SERPINA9: variants seen among roughly 807,000 people sequenced by gnomAD.
SERPINA9 encodes serpin A9.
SERPINA9 carries 32 observed loss-of-function variants against 24.5 expected under a neutral mutation model. That is an observed-to-expected ratio of 1.30 (90% CI 0.98 to 1.75). The LOEUF is 1.75. SERPINA9 is among the 40% of genes most tolerant of loss of function. The pLI, the probability that SERPINA9 is intolerant of heterozygous loss-of-function variation, is 0.00. For missense variants in SERPINA9, 594 were observed against 497.1 expected, an observed-to-expected ratio of 1.19 and a Z score of -1.85; for synonymous variants, 233 against 197.7, an observed-to-expected ratio of 1.18 and a Z score of -1.50.
intron 3 of SERPINA9, 74 bp downstream of exon 3, chr14:94,467,035 G>C (rs1012379857): frequency 6.6e-7 from 1 of 1,513,232 alleles, no homozygotes; most frequent in Admixed American, 1.8e-5. Flanking sequence ...ACAGCTGTTA[G>C]CACAATCTCT....
chr14:94,476,059 C>G, intron 1 of SERPINA9, 77 bp downstream of exon 1: 1 of 1,606,350 alleles, frequency 6.2e-7, no homozygotes, highest in East Asian at 2.2e-5. Flanking sequence ...ACACTGAAGA[C>G]CATGCTCTGA....
At chr14:94,471,393 T>C (rs955567917) in intron 1 of SERPINA9, among the ~76,000 whole-genome samples, 1 of 152,208 alleles carries the variant, frequency 6.6e-6, no homozygotes, top group Non-Finnish European at 1.5e-5. Flanking sequence ...CACTTGTCTA[T>C]GTCAGACCAA....
intron 2 of SERPINA9, among the ~76,000 whole-genome samples, chr14:94,467,860 A>G (rs750204976): frequency 2.6e-5 from 4 of 151,630 alleles, no homozygotes; most frequent in South Asian, 2.1e-4. Context: ...TGAATAGATT[A>G]GTGGATAGGT....
intron 1 of SERPINA9, among the ~76,000 whole-genome samples, chr14:94,475,221 G>A (rs1595674322): frequency 6.6e-6 from 1 of 152,228 alleles, no homozygotes; most frequent in East Asian, 1.9e-4. Flanking sequence ...TGGAAGAGGG[G>A]TTCTGCAAGG....
chr14:94,464,328 C>A, intron 4 of SERPINA9: 1 of 247,002 alleles, frequency 4.0e-6, no homozygotes, highest in East Asian at 6.9e-5. Flanking sequence ...TCCTTACACA[C>A]TGAAGGCCAG....
In SERPINA9 at chr14:94,476,155, C is replaced by T. The variant is rs774092593; in HGVS notation, c.-37G>A. 4.3e-6 allele frequency: 7 copies of T among 1,614,190 alleles called. No homozygotes were observed. The highest frequency in any genetic ancestry group is 1.6e-4 in the Middle Eastern group (1 of 6,062). On this transcript the variant is annotated 5_prime_UTR_variant, in exon 1 of 5. Coordinates refer to ENST00000674397, the MANE Select transcript of SERPINA9 (RefSeq NM_175739.4). Reference sequence around the variant, plus strand: ...ACCCACCTTTGCAGGTTCCTCTTCTCCTGCCCTGTCCTTGCATGGTTGGTG... The same window carrying T: ...ACCCACCTTTGCAGGTTCCTCTTCTTCTGCCCTGTCCTTGCATGGTTGGTG...
intron 1 of SERPINA9, among the ~76,000 whole-genome samples, chr14:94,473,392 A>C (rs1241452772): frequency 6.6e-6 from 1 of 151,856 alleles, no homozygotes; most frequent in Non-Finnish European, 1.5e-5. Flanking sequence ...GGTGGCGGGC[A>C]CCTCTAGTCC....
intron 4 of SERPINA9, 69 bp from the exon 5 acceptor site, chr14:94,463,365 T>A: frequency 7.1e-7 from 1 of 1,404,270 alleles, no homozygotes; most frequent in Non-Finnish European, 1.0e-6. Context: ...TAAACTAAAC[T>A]GAGTGCTTTT....
intron 3 of SERPINA9, 123 bp downstream of exon 3, chr14:94,466,986 G>T: frequency 1.8e-6 from 2 of 1,083,870 alleles, no homozygotes; most frequent in Non-Finnish European, 2.7e-6. Context: ...TCTCTGTCCT[G>T]CATGCAGTTG....
In SERPINA9 at chr14:94,467,360, G is replaced by A. The variant is rs1400529842; in HGVS notation, c.651C>T (p.His217=). ...GGAAGTTCTTTCTTGTATATTCAGG[G>A]TGAAAGGGCTTCTCCCACTTGGCTA... ...FFKAKWEKPF[H]PEYTRKNFPF... is the part of the protein sequence containing the mutation. The change falls in exon 3 of 5, where the codon CAC becomes CAT. Residue 217 remains histidine, a synonymous_variant. Coordinates refer to ENST00000674397, the MANE Select transcript of SERPINA9 (RefSeq NM_175739.4). 1 of 1,609,932 alleles carries A rather than the reference G, an allele frequency of 6.2e-7. No homozygotes were observed. The highest frequency in any genetic ancestry group is 8.5e-7 in the Non-Finnish European group (1 of 1,176,720).
intron 1 of SERPINA9, among the ~76,000 whole-genome samples, chr14:94,473,661 G>A (rs984797122): frequency 3.3e-5 from 5 of 152,114 alleles, no homozygotes; most frequent in African/African-American, 1.2e-4. Flanking sequence ...TCAGGACGCC[G>A]TGTAAGAGTG....
Position 94,464,756 on chromosome 14 carries a change from T to C in SERPINA9, c.1001A>G (p.Asn334Ser), listed in dbSNP as rs764570314. 1 of 1,613,882 alleles carries C rather than the reference T, an allele frequency of 6.2e-7. No individual in the cohort carries two copies. The highest frequency in any genetic ancestry group is 8.5e-7 in the Non-Finnish European group (1 of 1,179,782). The part of the protein sequence containing the change: ...KMGIQNVFDK[N>S]ADFSGIAKRD... ...CTTTGCAATTCCAGAAAAATCAGCA[T>C]TTTTGTCAAAGACATTTTGGATGCC... The change falls in exon 4 of 5, where the codon AAT (asparagine) becomes AGT (serine). Residue 334 changes from asparagine (N) to serine (S), a missense_variant. Coordinates refer to ENST00000674397, the MANE Select transcript of SERPINA9 (RefSeq NM_175739.4).
intron 1 of SERPINA9, among the ~76,000 whole-genome samples, chr14:94,475,503 G>C (rs940665276): frequency 6.6e-6 from 1 of 152,048 alleles, no homozygotes; most frequent in African/African-American, 2.4e-5. Flanking sequence ...ATAAAAGAGA[G>C]ATCCTATGAA....
chr14:94,464,822 A>G lies in SERPINA9; in HGVS notation c.935T>C (p.Ile312Thr). ...GGTTTCCAGATTGTAGGAGGCAGAAATGGAAAATCTGGGGATGAACACCTC... is the reference window on the plus strand; with the variant it reads ...GGTTTCCAGATTGTAGGAGGCAGAAGTGGAAAATCTGGGGATGAACACCTC... ...WIEVFIPRFS[I>T]SASYNLETIL... The change falls in exon 4 of 5, where the codon ATT becomes ACT. Residue 312 changes from isoleucine to threonine, a missense_variant. By Grantham distance (89) the Ile-to-Thr change is moderately conservative. Transcript: ENST00000674397. The G allele has an allele frequency of 1.2e-6, 2 of 1,613,862 alleles. No homozygotes were observed. The highest frequency in any genetic ancestry group is 1.7e-6 in the Non-Finnish European group (2 of 1,179,788).
chr14:94,464,340 C>T (rs1405169145), intron 4 of SERPINA9: 1 of 267,490 alleles, frequency 3.7e-6, no homozygotes, highest in Admixed American at 5.3e-5. Context: ...GAAGGCCAGA[C>T]AACACATCTA....
Position 94,469,404 on chromosome 14 carries a change from G to T in SERPINA9, c.437C>A (p.Ala146Glu). The T allele has an allele frequency of 2.5e-6, 4 of 1,613,964 alleles. No individual in the cohort carries two copies. The highest frequency in any genetic ancestry group is 3.4e-6 in the Non-Finnish European group (4 of 1,180,018). Residue 146 changes from alanine to glutamate, a missense_variant, in exon 2 of 5, where the codon GCA becomes GAA. By Grantham distance (107) the Ala-to-Glu change is moderately radical. Coordinates refer to ENST00000674397, the MANE Select transcript of SERPINA9 (RefSeq NM_175739.4). Reference sequence around the variant, plus strand: ...CCTCTTGACATTGCCCAAGAAATTTGCCTGCAGCTGCAGCTCCTTCTTGAC... The same window carrying T: ...CCTCTTGACATTGCCCAAGAAATTTTCCTGCAGCTGCAGCTCCTTCTTGAC... The part of the protein sequence containing the change: ...LFVKKELQLQ[A>E]NFLGNVKRLY...
rs760418567 is a variant in SERPINA9, at chr14:94,469,590, A to AG, written c.250dup (p.Leu84ProfsTer74). ...GGTCTTGGTGACTGAGTGGGCCCCA[A>AG]GGGAGAGCATGGCCAGGGAAGTGGA... On this transcript the variant is annotated frameshift_variant, in exon 2 of 5. Transcript: ENST00000674397. LOFTEE classifies it high-confidence loss of function. 8.1e-6 allele frequency: 13 copies of AG among 1,614,146 alleles called. No homozygotes were observed. The South Asian group carries it at 1.2e-4, about 15-fold the overall frequency.
Position 94,463,110 on chromosome 14 carries a change from T to A in SERPINA9, c.1237A>T (p.Asn413Tyr). Residue 413 changes from asparagine (N) to tyrosine (Y), a missense_variant, in exon 5 of 5, where the codon AAT becomes TAT. Asn to Tyr is a moderately radical substitution (Grantham distance 143, BLOSUM62 -2). Coordinates refer to ENST00000674397, the MANE Select transcript of SERPINA9 (RefSeq NM_175739.4). ...DGILFLGKVE[N>Y]PTKS ...TTTCCCACCTAGGATTTAGTGGGAT[T>A]TTCCACTTTCCCTAGAAAGAGAATA... The A allele has an allele frequency of 6.2e-7, 1 of 1,614,130 alleles. No homozygotes were observed.
rs183027056 is a variant in SERPINA9, at chr14:94,463,134, T to C, written c.1213A>G (p.Ile405Val). Residue 405 changes from isoleucine (I) to valine (V), a missense_variant, in exon 5 of 5, where the codon ATT becomes GTT. By Grantham distance (29) the Ile-to-Val change is conservative. Transcript: ENST00000674397. ...TTTTCCACTTTCCCTAGAAAGAGAA[T>C]ACCGTCTGTGGCTTTATTTGTAATC... ...MMITNKATDGILFLGKVENPT... is the reference protein window; with the variant it reads ...MMITNKATDGVLFLGKVENPT... The C allele has an allele frequency of 3.1e-6, 5 of 1,614,224 alleles. No individual in the cohort carries two copies. In the Admixed American group the frequency reaches 8.3e-5, roughly 27 times the overall value.
Sources: gnomAD v4.1 joint callset for allele counts (sites outside exome capture counted in the v4.1 genomes callset) on GRCh38, gnomAD v4.1.1 for gene constraint, MANE v1.5 for transcripts, NCBI Gene and HGNC (gene_info 2026-07-23, HGNC 2026-07-21) for gene names.